The following AKT3 variants were observed in gnomAD, a reference collection of about 807,000 sequenced individuals.
The protein encoded by AKT3 is RAC-gamma serine/threonine-protein kinase.
In AKT3, 15 loss-of-function variants were observed where a neutral mutation model predicts 65.3. That is an observed-to-expected ratio of 0.23 (90% CI 0.15 to 0.35). AKT3 has a LOEUF of 0.35. Among genes scored for constraint, AKT3 ranks in the 10% least tolerant of loss-of-function variants. The pLI is 1.00. For synonymous variants in AKT3, 206 were observed against 183.8 expected (o/e 1.12, Z -0.98); for missense variants, 243 against 576.5 (o/e 0.42, Z 5.92).
chr1:243,588,433 T>C (rs1337734134), intron 8 of AKT3, among the ~76,000 whole-genome samples: 1 of 152,148 alleles, frequency 6.6e-6, no homozygotes, highest in African/African-American at 2.4e-5. Flanking sequence ...CGAACAAAGC[T>C]AACATCAATA....
At chr1:243,577,638 T>C (rs1675037981) in intron 8 of AKT3, among the ~76,000 whole-genome samples, 1 of 152,090 alleles carries the variant, frequency 6.6e-6, no homozygotes, top group South Asian at 2.1e-4. Flanking sequence ...GTACGGGCAA[T>C]GTTTCATGAT....
intron 2 of AKT3, among the ~76,000 whole-genome samples, chr1:243,777,474 ACAATG>A (rs1485793214): frequency 1.3e-5 from 2 of 152,224 alleles, no homozygotes; most frequent in Non-Finnish European, 2.9e-5. Flanking sequence ...AGAAATAAAT[ACAATG>A]CAGTCAAAAC....
At chr1:243,621,919 C>T (rs1199665225) in intron 6 of AKT3, among the ~76,000 whole-genome samples, 1 of 152,150 alleles carries the variant, frequency 6.6e-6, no homozygotes, top group African/African-American at 2.4e-5. Context: ...TGCTACTACC[C>T]TAGTACAAGC....
intron 2 of AKT3, among the ~76,000 whole-genome samples, chr1:243,806,360 G>GAA (rs111267312): frequency 5.9e-5 from 9 of 151,302 alleles, no homozygotes; most frequent in East Asian, 1.9e-4. Flanking sequence ...ATTTATTAGG[G>GAA]GAAAAAAAAC....
chr1:243,664,085 G>A (rs925411319), intron 4 of AKT3, among the ~76,000 whole-genome samples: 1 of 147,132 alleles, frequency 6.8e-6, no homozygotes, highest in African/African-American at 2.5e-5. Context: ...AGAATGGCAT[G>A]TTACTTGAAA....
rs188555301 is a variant in AKT3 at position 243,513,181 on chromosome 1, G to A, written c.1252-755C>T. On this transcript the variant is annotated intron_variant, in intron 12 of 13. Transcript: ENST00000673466. The stretch of plus-strand genomic sequence containing the variant: ...CGGGCTACTGGAGGTTTCAGGAGCC[G>A]GAGCCCTGTGAACCTCCACTGGTTG... Among the ~76,000 whole-genome samples, 11 of 152,254 alleles carry A rather than the reference G, an allele frequency of 7.2e-5. No individual in the cohort carries two copies. In the East Asian group the frequency reaches 1.5e-3, roughly 21 times the overall value.
chr1:243,545,392 G>A (rs1672594820), intron 12 of AKT3, 118 bp downstream of exon 12: 2 of 555,214 alleles, frequency 3.6e-6, no homozygotes, highest in Non-Finnish European at 6.1e-6. Context: ...TTAAATGTCG[G>A]TAAAATGGAA....
intron 10 of AKT3, among the ~76,000 whole-genome samples, chr1:243,558,950 G>A (rs1673587789): frequency 6.6e-6 from 1 of 152,010 alleles, no homozygotes; most frequent in South Asian, 2.1e-4. Context: ...TTTTACAGTT[G>A]GAAAGTGGAT....
At chr1:243,589,289 C>T (rs1221434073) in intron 8 of AKT3, among the ~76,000 whole-genome samples, 2 of 107,368 alleles carry the variant, frequency 1.9e-5, no homozygotes, top group Non-Finnish European at 3.5e-5. Flanking sequence ...CTAGGCAACA[C>T]GAGCAAAACT....
intron 3 of AKT3, among the ~76,000 whole-genome samples, chr1:243,668,583 G>A (rs1022315842): frequency 5.9e-5 from 9 of 152,132 alleles, no homozygotes; most frequent in East Asian, 1.9e-4. Context: ...CATGACTGCC[G>A]AGAAGGATGA....
intron 2 of AKT3, among the ~76,000 whole-genome samples, chr1:243,715,833 T>C (rs2148092918): frequency 6.6e-6 from 1 of 152,100 alleles, no homozygotes; most frequent in Middle Eastern, 3.4e-3. Flanking sequence ...TTTAGGAAAA[T>C]CAAGTTGAGG....
chr1:243,538,795 A>T (rs1204285637), intron 12 of AKT3, among the ~76,000 whole-genome samples: 1 of 151,918 alleles, frequency 6.6e-6, no homozygotes, highest in Non-Finnish European at 1.5e-5. Context: ...CAGGAGTTCA[A>T]ATCCAGCCTG....
At chr1:243,654,360 GT>G (rs1230859690) in intron 4 of AKT3, among the ~76,000 whole-genome samples, 3 of 152,102 alleles carry the variant, frequency 2.0e-5, no homozygotes, top group Non-Finnish European at 4.4e-5. Flanking sequence ...TTATTTATTG[GT>G]TTATTTAAGC....
intron 12 of AKT3, among the ~76,000 whole-genome samples, chr1:243,527,501 A>C (rs892321072): frequency 1.1e-4 from 17 of 152,152 alleles, no homozygotes; most frequent in African/African-American, 3.9e-4. Context: ...AATCATTATA[A>C]TTTTTTCTTT....
intron 12 of AKT3, among the ~76,000 whole-genome samples, chr1:243,525,950 C>G (rs898203045): frequency 6.7e-6 from 1 of 150,080 alleles, no homozygotes; most frequent in African/African-American, 2.5e-5. Context: ...CAGGCAACTC[C>G]AAGCAGAATA....
rs74162289 is a variant in AKT3 at position 243,492,604 on chromosome 1, G to GTTTT, written c.*7-4158_*7-4155dup. On this transcript the variant is annotated intron_variant, in intron 13 of 13. Transcript: ENST00000336199. ...CAGGCGTGAGCCACTGCGCCCAGCT[G>GTTTT]TTTTTTTTTTTTTTTTTTTTTTTGA... 9.1e-3 allele frequency among the ~76,000 whole-genome samples: 535 copies of GTTTT among 58,806 alleles called. 15 individuals carry two copies. Among genetic ancestry groups the GTTTT allele is most frequent in the African/African-American group, 0.031 (451 of 14,396 alleles). 38.6% of individuals were successfully genotyped at this position (58,806 alleles called of 152,430 possible).
chr1:243,734,931 T>C (rs765930720), intron 2 of AKT3: 3 of 151,244 alleles, frequency 2.0e-5, no homozygotes, highest in Non-Finnish European at 4.4e-5. Context: ...AACTTAGATA[T>C]AAACATACAT....
intron 2 of AKT3, among the ~76,000 whole-genome samples, chr1:243,795,892 G>C (rs1303757036): frequency 6.6e-6 from 1 of 152,156 alleles, no homozygotes; most frequent in Non-Finnish European, 1.5e-5. Context: ...TGGTAGTGAA[G>C]GGACTCACCC....
Position 243,709,888 on chromosome 1 carries a change from T to C in AKT3, c.47-14172A>G, listed in dbSNP as rs78165566. 3.3e-5 allele frequency among the ~76,000 whole-genome samples: 5 copies of C among 152,140 alleles called. 1 individual carries two copies. The highest frequency in any genetic ancestry group is 4.1e-4 in the South Asian group (2 of 4,830). ...TAAGTGACTTGCTTGGCCAAAAAAATAGACAAACTTCACGATTTATGCTTT... is the reference window on the plus strand; with the variant it reads ...TAAGTGACTTGCTTGGCCAAAAAAACAGACAAACTTCACGATTTATGCTTT... On this transcript the variant is annotated intron_variant, in intron 2 of 13. Coordinates refer to ENST00000673466, the MANE Select transcript of AKT3 (RefSeq NM_005465.7).
Sources: gnomAD v4.1 joint callset for allele counts (sites outside exome capture counted in the v4.1 genomes callset) on GRCh38, gnomAD v4.1.1 for gene constraint, MANE v1.5 for transcripts, NCBI Gene and HGNC (gene_info 2026-07-23, HGNC 2026-07-21) for gene names.